The following IL1RAPL2 variants were observed in gnomAD, a reference collection of about 807,000 sequenced individuals.
IL1RAPL2 encodes the protein interleukin 1 receptor accessory protein like 2, also known as X-linked interleukin-1 receptor accessory protein-like 2.
IL1RAPL2 carries 3 observed loss-of-function variants against 44.1 expected under a neutral mutation model. The ratio of observed to expected loss-of-function variants is 0.07; its 90% CI spans 0.03 to 0.18. The LOEUF (loss-of-function observed/expected upper bound fraction) is 0.18. Ranked by LOEUF, IL1RAPL2 falls within the 10% of genes least tolerant of loss-of-function variation. The pLI is 1.00. For synonymous variants in IL1RAPL2, 181 were observed against 178.8 expected (o/e 1.01, Z -0.10); for missense variants, 391 against 496.4 (o/e 0.79, Z 2.02).
At position 105,332,088 on chromosome X, in the gene IL1RAPL2, G is replaced by A. The variant is rs144076650; in HGVS notation, c.697+64547G>A. ...AGAACAATCCAAATGAATAATAGCA[G>A]AAGGTTCCTGTTGGGGACCAGAAGC... On this transcript the variant is annotated intron_variant, in intron 5 of 10. Coordinates refer to ENST00000372582, the MANE Select transcript of IL1RAPL2 (RefSeq NM_017416.2). Among the ~76,000 whole-genome samples the A allele has an allele frequency of 5.3e-3, 578 of 110,044 alleles. 5 individuals carry two copies. The highest frequency in any genetic ancestry group is 0.018 in the African/African-American group (541 of 30,301).
chrX:105,048,185 A>G (rs2031867265), intron 2 of IL1RAPL2, among the ~76,000 whole-genome samples: 3 of 112,176 alleles, frequency 2.7e-5, no homozygotes, highest in Admixed American at 1.9e-4. Context: ...GGTTCCTCAA[A>G]AGATATTAAT....
chrX:105,721,720 A>G (rs7050966), intron 7 of IL1RAPL2, among the ~76,000 whole-genome samples: 3,999 of 111,886 alleles, frequency 0.036, 182 homozygotes, highest in African/African-American at 0.12. Context: ...ATGCTATAGG[A>G]AGACAACCTT....
At chrX:104,653,145 G>A (rs1930184351) in intron 1 of IL1RAPL2, among the ~76,000 whole-genome samples, 1 of 111,247 alleles carries the variant, frequency 9.0e-6, no homozygotes, top group Admixed American at 9.6e-5. Flanking sequence ...CATCTCCTCT[G>A]GACATTGGAA....
intron 3 of IL1RAPL2, among the ~76,000 whole-genome samples, chrX:105,229,394 G>A (rs1466452354): frequency 2.7e-5 from 3 of 111,916 alleles, no homozygotes; most frequent in Non-Finnish European, 5.6e-5. Flanking sequence ...TAGGGACCTC[G>A]GTCATCCTCA....
intron 6 of IL1RAPL2, among the ~76,000 whole-genome samples, chrX:105,661,900 G>A (rs181854629): frequency 3.6e-5 from 4 of 111,774 alleles, no homozygotes; most frequent in East Asian, 5.6e-4. Context: ...CTAAAGATAC[G>A]GACTTACTTT....
chrX:105,009,276 T>G (rs746232863), intron 2 of IL1RAPL2, among the ~76,000 whole-genome samples: 17 of 110,512 alleles, frequency 1.5e-4, no homozygotes, highest in African/African-American at 4.3e-4. Flanking sequence ...TATAAATCAT[T>G]CTGCTATAAA....
In IL1RAPL2 at chrX:105,238,581, G is replaced by A. The variant is rs150126401; in HGVS notation, c.543+4577G>A. On this transcript the variant is annotated intron_variant, in intron 4 of 10. Transcript: ENST00000372582. Reference sequence around the variant, plus strand: ...TTACAGGAGAAAAAGACAAAACCCAGTCTGTTCTAGGATATATGTGTTTCC... The same window carrying A: ...TTACAGGAGAAAAAGACAAAACCCAATCTGTTCTAGGATATATGTGTTTCC... 2.1e-3 allele frequency among the ~76,000 whole-genome samples: 228 copies of A among 110,685 alleles called. 2 individuals are homozygous for A. In the East Asian group the frequency reaches 0.049, roughly 24 times the overall value.
intron 1 of IL1RAPL2, among the ~76,000 whole-genome samples, chrX:104,590,991 C>T (rs1252462650): frequency 9.0e-6 from 1 of 111,269 alleles, no homozygotes; most frequent in Non-Finnish European, 1.9e-5. Context: ...TCTCATAATG[C>T]CAATGATTTC....
At chrX:105,731,163 A>G (rs1483929626) in intron 7 of IL1RAPL2, among the ~76,000 whole-genome samples, 1 of 111,528 alleles carries the variant, frequency 9.0e-6, no homozygotes, top group East Asian at 2.8e-4. Context: ...ATACCCAAAT[A>G]AACAAAATTA....
chrX:105,196,752 AGCATCTAGCATC>A (rs201567391), intron 3 of IL1RAPL2, among the ~76,000 whole-genome samples: 2 of 111,418 alleles, frequency 1.8e-5, no homozygotes, highest in East Asian at 5.7e-4. Context: ...TCTAGGATCT[AGCATCTAGCATC>A]TCAAATAGAG....
chrX:104,640,459 T>A (rs1442269657), intron 1 of IL1RAPL2, among the ~76,000 whole-genome samples: 1 of 111,942 alleles, frequency 8.9e-6, no homozygotes, highest in Non-Finnish European at 1.9e-5. Context: ...TTAATATCAT[T>A]ATTTAAAATT....
intron 2 of IL1RAPL2, among the ~76,000 whole-genome samples, chrX:105,106,913 G>T (rs1243578150): frequency 8.9e-6 from 1 of 111,832 alleles, no homozygotes; most frequent in African/African-American, 3.2e-5. Context: ...CAAGCAGTGT[G>T]CTAGGCACTT....
chrX:105,276,772 CTG>C (rs764125011), intron 5 of IL1RAPL2, among the ~76,000 whole-genome samples: 7 of 112,134 alleles, frequency 6.2e-5, no homozygotes, highest in African/African-American at 2.3e-4. Flanking sequence ...AAGCGACTGA[CTG>C]TGTGACTGAC....
chrX:105,409,543 A>G (rs891419468), intron 5 of IL1RAPL2, among the ~76,000 whole-genome samples: 2 of 111,162 alleles, frequency 1.8e-5, no homozygotes, highest in South Asian at 3.8e-4. Flanking sequence ...GATGAACAAC[A>G]TATGTGATGT....
intron 5 of IL1RAPL2, among the ~76,000 whole-genome samples, chrX:105,343,419 T>C (rs2035086585): frequency 1.8e-5 from 2 of 112,146 alleles, no homozygotes; most frequent in Admixed American, 9.5e-5. Context: ...AGTTACATAG[T>C]TGTAATCATA....
intron 2 of IL1RAPL2, among the ~76,000 whole-genome samples, chrX:105,067,816 CACAT>C (rs1307095074): frequency 2.9e-5 from 3 of 104,814 alleles, no homozygotes; most frequent in African/African-American, 1.2e-4. Flanking sequence ...TGCACACACA[CACAT>C]ACACGCATGC....
In IL1RAPL2 at chrX:104,617,999, G is replaced by A. The variant is rs779554905; in HGVS notation, c.-19-40896G>A. Among the ~76,000 whole-genome samples the A allele has an allele frequency of 6.3e-5, 7 of 111,732 alleles. No homozygotes were observed. The South Asian group carries it at 2.6e-3, about 42-fold the overall frequency. On this transcript the variant is annotated intron_variant, in intron 1 of 10. Coordinates refer to ENST00000372582, the MANE Select transcript of IL1RAPL2 (RefSeq NM_017416.2). Reference sequence around the variant, plus strand: ...CTTCTAATTTTTTAATTATTTTCATGCAGGTAGGATTTCTTCTTATTTTTT... The same window carrying A: ...CTTCTAATTTTTTAATTATTTTCATACAGGTAGGATTTCTTCTTATTTTTT...
At chrX:104,600,305 A>G (rs773012745) in intron 1 of IL1RAPL2, among the ~76,000 whole-genome samples, 4 of 111,811 alleles carry the variant, frequency 3.6e-5, no homozygotes, top group Admixed American at 9.5e-5. Flanking sequence ...TGAGTACCTC[A>G]TAACTGTACA....
At chrX:105,748,837 A>G (rs1217402928) in intron 8 of IL1RAPL2, 123 bp from the exon 9 acceptor site, 15 of 629,411 alleles carry the variant, frequency 2.4e-5, no homozygotes, top group Non-Finnish European at 3.3e-5. Context: ...AAGCTACTGC[A>G]TTAAGCAAGA....
Sources: allele counts gnomAD v4.1 joint callset (sites outside exome capture counted in the v4.1 genomes callset), GRCh38; gene constraint gnomAD v4.1.1; transcripts MANE v1.5; gene names NCBI Gene and HGNC (gene_info 2026-07-23, HGNC 2026-07-21).